The following LRIG1 variants were observed in gnomAD, a reference collection of about 807,000 sequenced individuals.
LRIG1 encodes the protein leucine rich repeats and immunoglobulin like domains 1.
Under a neutral mutation model 99.2 loss-of-function variants are expected in LRIG1, and 48 were observed. The observed-to-expected ratio is 0.48, with a 90% CI of 0.38 to 0.62. LRIG1 has a LOEUF of 0.62. LRIG1 is among the 20% of genes least tolerant of loss of function. The pLI is 0.00. For synonymous variants in LRIG1, 772 were observed against 596.1 expected (o/e 1.29, Z -4.30); for missense variants, 1,646 against 1,434.4 (o/e 1.15, Z -2.38).
intron 1 of LRIG1, among the ~76,000 whole-genome samples, chr3:66,492,800 G>A (rs1411028470): frequency 6.6e-6 from 1 of 152,162 alleles, no homozygotes; most frequent in Non-Finnish European, 1.5e-5. Flanking sequence ...TACCGGTTAT[G>A]CTAGATTAAA....
At chr3:66,472,526 C>T (rs1157176347) in intron 1 of LRIG1, among the ~76,000 whole-genome samples, 2 of 152,114 alleles carry the variant, frequency 1.3e-5, no homozygotes, top group African/African-American at 4.8e-5. Flanking sequence ...ACACTACACG[C>T]TCACACCTAA....
chr3:66,442,601 A>G (rs1255280755), intron 3 of LRIG1, among the ~76,000 whole-genome samples: 5 of 152,198 alleles, frequency 3.3e-5, no homozygotes, highest in Non-Finnish European at 7.3e-5. Flanking sequence ...GAGGGTTTTC[A>G]GCACTCACTG....
intron 1 of LRIG1, among the ~76,000 whole-genome samples, chr3:66,486,297 C>A (rs1234795040): frequency 6.6e-6 from 1 of 152,138 alleles, no homozygotes; most frequent in African/African-American, 2.4e-5. Flanking sequence ...CCCCATTTTA[C>A]AGAAAAGGAA....
Position 66,382,383 on chromosome 3 carries a change from G to A in LRIG1, c.2507C>T (p.Pro836Leu). The change falls in exon 16 of 19, where the codon CCA becomes CTA. Residue 836 changes from proline to leucine, a missense_variant. Coordinates refer to ENST00000273261, the MANE Select transcript of LRIG1 (RefSeq NM_015541.3). ...SVTNTDETVV[P>L]PDVPSYLSSQ... ...AGAGAGGTAGCTTGGAACATCTGGT[G>A]GCACGACGGTTTCATCTGCAAGGAG... 6.2e-7 allele frequency: 1 copy of A among 1,614,212 alleles called. No individual in the cohort carries two copies. Among genetic ancestry groups the A allele is most frequent in the Non-Finnish European group, 8.5e-7 (1 of 1,180,028 alleles).
chr3:66,432,347 G>A (rs1321184842), intron 3 of LRIG1, among the ~76,000 whole-genome samples: 1 of 152,198 alleles, frequency 6.6e-6, no homozygotes, highest in East Asian at 1.9e-4. Flanking sequence ...GCTGCACAGG[G>A]CCATGGATGT....
Position 66,413,003 on chromosome 3 carries a change from C to T in LRIG1, c.659G>A (p.Arg220Gln), listed in dbSNP as rs866817310. ...LPRLTQLDLNRNRIRLIEGLT... is the reference protein window; with the variant it reads ...LPRLTQLDLNQNRIRLIEGLT... ...GCCCTCTATCAGCCGAATCCTGTTC[C>T]GATTGAGGTCCCTAAAGAGATGAAG... The change falls in exon 6 of 19, where the codon CGG becomes CAG. Residue 220 changes from arginine to glutamine, a missense_variant. By Grantham distance (43) the Arg-to-Gln change is conservative. Coordinates refer to ENST00000273261, the MANE Select transcript of LRIG1 (RefSeq NM_015541.3). The T allele has an allele frequency of 6.2e-6, 10 of 1,614,064 alleles. No individual in the cohort carries two copies. In the African/African-American group the frequency reaches 8.0e-5, roughly 13 times the overall value.
At chr3:66,398,426 A>G (rs1701935998) in intron 10 of LRIG1, among the ~76,000 whole-genome samples, 1 of 152,212 alleles carries the variant, frequency 6.6e-6, no homozygotes, top group South Asian at 2.1e-4. Flanking sequence ...ACCTTTCCCA[A>G]CAGAGTTAGA....
At chr3:66,422,295 G>A (rs1702845286) in intron 3 of LRIG1, among the ~76,000 whole-genome samples, 1 of 152,206 alleles carries the variant, frequency 6.6e-6, no homozygotes. Context: ...TTGTCAGGCT[G>A]CAAATTTTCC....
Position 66,383,292 on chromosome 3 carries a change from G to A in LRIG1, c.2181C>T (p.Phe727=), listed in dbSNP as rs1455781374. ...TGAGGCTCAGCGGGCGGTCCCCCTT[G>A]AACCAGGTGATGCGGGGCGGAGGGT... ...TGNPPPRITW[F]KGDRPLSLTE... The change falls in exon 15 of 19, where the codon TTC becomes TTT. Residue 727 remains phenylalanine, a synonymous_variant. Coordinates refer to ENST00000273261, the MANE Select transcript of LRIG1 (RefSeq NM_015541.3). 1.2e-6 allele frequency: 2 copies of A among 1,611,942 alleles called. No homozygotes were observed. The highest frequency in any genetic ancestry group is 1.7e-6 in the Non-Finnish European group (2 of 1,178,116).
intron 13 of LRIG1, among the ~76,000 whole-genome samples, chr3:66,385,162 AAC>A (rs1701310922): frequency 6.6e-6 from 1 of 152,134 alleles, no homozygotes; most frequent in South Asian, 2.1e-4. Context: ...CCCTCCTCCA[AAC>A]ACACAATAAC....
intron 9 of LRIG1, among the ~76,000 whole-genome samples, chr3:66,401,927 A>G (rs1702071822): frequency 6.6e-6 from 1 of 152,152 alleles, no homozygotes; most frequent in Admixed American, 6.5e-5. Context: ...CAATGCTCAC[A>G]TGGGTCCTTG....
Position 66,382,984 on chromosome 3 carries a change from G to A in LRIG1, c.2489C>T (p.Thr830Ile). ...CAGCTCCGCTGGCAGGGCCTGACCTGTGTTGGTGACACTGTACTCTTCACT... is the reference window on the plus strand; with the variant it reads ...CAGCTCCGCTGGCAGGGCCTGACCTATGTTGGTGACACTGTACTCTTCACT... Reference protein sequence around the residue: ...KKSEEYSVTNTDETVVPPDVP... With the variant: ...KKSEEYSVTNIDETVVPPDVP... The change falls in exon 15 of 19, where the codon ACA becomes ATA. Residue 830 changes from threonine (T) to isoleucine (I), a missense_variant and splice_region_variant. Transcript: ENST00000273261. 2.5e-6 allele frequency: 4 copies of A among 1,604,004 alleles called. No individual in the cohort carries two copies. Among genetic ancestry groups the A allele is most frequent in the Non-Finnish European group, 3.4e-6 (4 of 1,172,518 alleles).
chr3:66,386,476 G>C (rs962985018), intron 12 of LRIG1, 175 bp from the exon 13 acceptor site: 1 of 608,456 alleles, frequency 1.6e-6, no homozygotes, highest in African/African-American at 1.8e-5. Flanking sequence ...ATGGACATCT[G>C]ACCTCATCTA....
At chr3:66,418,208 C>T (rs1274946126) in intron 3 of LRIG1, among the ~76,000 whole-genome samples, 1 of 152,202 alleles carries the variant, frequency 6.6e-6, no homozygotes, top group Non-Finnish European at 1.5e-5. Context: ...TCTTCTGCCT[C>T]AGCCTCCCAG....
chr3:66,421,384 TA>T (rs1702804291), intron 3 of LRIG1, among the ~76,000 whole-genome samples: 1 of 152,100 alleles, frequency 6.6e-6, no homozygotes, highest in African/African-American at 2.4e-5. Context: ...ATAGATACAA[TA>T]GGGGTATCAG....
At chr3:66,402,898 G>A (rs1702113969) in intron 9 of LRIG1, among the ~76,000 whole-genome samples, 1 of 152,164 alleles carries the variant, frequency 6.6e-6, no homozygotes, top group Admixed American at 6.5e-5. Flanking sequence ...GGGTGGGGAG[G>A]GGACCAAAGA....
chr3:66,390,265 T>G lies in LRIG1; in HGVS notation c.1468+3775A>C, dbSNP rs546510270. On this transcript the variant is annotated intron_variant, in intron 12 of 18. Coordinates refer to ENST00000273261, the MANE Select transcript of LRIG1 (RefSeq NM_015541.3). ...ACTTAGAATAAATGATGTCAACATA[T>G]ATGCAGGATACAAGATCAAGATACA... 2.0e-5 allele frequency among the ~76,000 whole-genome samples: 3 copies of G among 152,300 alleles called. No individual in the cohort carries two copies. In the South Asian group the frequency reaches 6.2e-4, roughly 32 times the overall value.
intron 3 of LRIG1, among the ~76,000 whole-genome samples, chr3:66,437,337 A>G (rs10049334): frequency 0.16 from 24,999 of 152,286 alleles, 3,653 homozygotes; most frequent in African/African-American, 0.39. Flanking sequence ...CTGCTAGAAC[A>G]TGGCAGAACC....
intron 1 of LRIG1, among the ~76,000 whole-genome samples, 181 bp downstream of exon 1, chr3:66,500,009 A>G (rs1701319422): frequency 6.6e-6 from 1 of 150,726 alleles, no homozygotes; most frequent in African/African-American, 2.4e-5. Flanking sequence ...ACTCCCCCGG[A>G]CCTCCACGCA....
Sources: gnomAD v4.1 joint callset for allele counts (sites outside exome capture counted in the v4.1 genomes callset) on GRCh38, gnomAD v4.1.1 for gene constraint, MANE v1.5 for transcripts, NCBI Gene and HGNC (gene_info 2026-07-23, HGNC 2026-07-21) for gene names.